THSD7B: variants seen among roughly 807,000 people sequenced by gnomAD.
THSD7B encodes the protein thrombospondin type 1 domain containing 7B, also known as thrombospondin type-1 domain-containing protein 7B.
THSD7B carries 138 observed loss-of-function variants against 213.6 expected under a neutral mutation model. The ratio of observed to expected loss-of-function variants is 0.65; its 90% CI spans 0.56 to 0.74. THSD7B has a LOEUF of 0.74. Among genes scored for constraint, THSD7B ranks in the 30% least tolerant of loss-of-function variants. The pLI is 0.00. For synonymous variants in THSD7B, 742 were observed against 687.0 expected, an observed-to-expected ratio of 1.08 and a Z score of -1.25; for missense variants, 1,931 against 1,991.5, an observed-to-expected ratio of 0.97 and a Z score of 0.58.
At chr2:137,038,131 AG>A (rs2104858895) in intron 2 of THSD7B, among the ~76,000 whole-genome samples, 1 of 152,288 alleles carries the variant, frequency 6.6e-6, no homozygotes, top group Admixed American at 6.5e-5. Context: ...CTATGGTGGT[AG>A]TTATCACTTG....
At chr2:137,136,581 C>T (rs948453165) in intron 5 of THSD7B, among the ~76,000 whole-genome samples, 1 of 152,072 alleles carries the variant, frequency 6.6e-6, no homozygotes, top group African/African-American at 2.4e-5. Flanking sequence ...CTATGAAAGG[C>T]GTAAAGTTAA....
At chr2:137,365,592 A>T (rs1685388672) in intron 12 of THSD7B, among the ~76,000 whole-genome samples, 1 of 152,260 alleles carries the variant, frequency 6.6e-6, no homozygotes, top group South Asian at 2.1e-4. Context: ...ATATGAACAG[A>T]CACTTTTCAA....
intron 1 of THSD7B, among the ~76,000 whole-genome samples, chr2:136,775,573 C>T (rs1681585627): frequency 6.6e-6 from 1 of 152,064 alleles, no homozygotes; most frequent in Non-Finnish European, 1.5e-5. Context: ...TTCAGTCACA[C>T]TAAGTGATCT....
chr2:137,114,236 G>A (rs1418505476), intron 4 of THSD7B, among the ~76,000 whole-genome samples: 3 of 152,128 alleles, frequency 2.0e-5, no homozygotes. Context: ...TTTGTTTATT[G>A]TTCAGAATTT....
At chr2:136,787,587 T>A (rs777274542) in intron 1 of THSD7B, among the ~76,000 whole-genome samples, 1 of 152,184 alleles carries the variant, frequency 6.6e-6, no homozygotes, top group Non-Finnish European at 1.5e-5. Context: ...GATGTTAAGA[T>A]TCAAAATCTC....
At chr2:136,971,282 A>G (rs1299230688) in intron 2 of THSD7B, among the ~76,000 whole-genome samples, 1 of 151,846 alleles carries the variant, frequency 6.6e-6, no homozygotes, top group Non-Finnish European at 1.5e-5. Context: ...TGTAGATGGT[A>G]TGTCATGGTA....
intron 3 of THSD7B, among the ~76,000 whole-genome samples, chr2:137,065,601 C>A (rs937060214): frequency 1.3e-5 from 2 of 152,016 alleles, no homozygotes; most frequent in Non-Finnish European, 2.9e-5. Context: ...TTTCAGTTTT[C>A]ATTTCACTTA....
At chr2:137,036,490 T>A (rs1422637248) in intron 2 of THSD7B, among the ~76,000 whole-genome samples, 1 of 152,212 alleles carries the variant, frequency 6.6e-6, no homozygotes, top group African/African-American at 2.4e-5. Flanking sequence ...AGACTGGTTA[T>A]TCATTTCAGT....
intron 2 of THSD7B, among the ~76,000 whole-genome samples, chr2:136,894,084 G>C (rs1683909882): frequency 6.6e-6 from 1 of 152,122 alleles, no homozygotes; most frequent in South Asian, 2.1e-4. Flanking sequence ...GAAATAAGTA[G>C]TTCTGTCATC....
chr2:137,490,398 A>G (rs866502079), intron 15 of THSD7B, among the ~76,000 whole-genome samples: 4 of 152,252 alleles, frequency 2.6e-5, no homozygotes, highest in African/African-American at 2.4e-5. Context: ...TAAGTTAAAT[A>G]TTTTCATAGG....
intron 2 of THSD7B, among the ~76,000 whole-genome samples, chr2:136,998,131 C>A (rs1442608614): frequency 6.6e-6 from 1 of 151,800 alleles, no homozygotes; most frequent in Non-Finnish European, 1.5e-5. Context: ...CCCATCCAAG[C>A]TTTTTGCTAC....
intron 2 of THSD7B, among the ~76,000 whole-genome samples, chr2:136,991,733 C>T (rs975628925): frequency 1.3e-5 from 2 of 152,162 alleles, no homozygotes; most frequent in Non-Finnish European, 2.9e-5. Context: ...TGCATTCTGT[C>T]CTCATAGCCA....
intron 14 of THSD7B, among the ~76,000 whole-genome samples, chr2:137,448,580 C>T (rs1309394718): frequency 1.3e-5 from 2 of 151,916 alleles, no homozygotes; most frequent in Non-Finnish European, 2.9e-5. Flanking sequence ...GAGGCCGAGG[C>T]GGGCAGATCA....
chr2:137,264,298 G>A (rs1022262671), intron 10 of THSD7B, among the ~76,000 whole-genome samples: 14 of 151,134 alleles, frequency 9.3e-5, no homozygotes, highest in African/African-American at 3.2e-4. Flanking sequence ...TCTTGCCCAG[G>A]CTGGGGTGCA....
At chr2:137,204,567 C>T (rs1680943093) in intron 7 of THSD7B, among the ~76,000 whole-genome samples, 1 of 152,102 alleles carries the variant, frequency 6.6e-6, no homozygotes, top group Non-Finnish European at 1.5e-5. Context: ...GACACCATTT[C>T]AGAAATAAGA....
At chr2:137,017,206 A>C (rs1346047839) in intron 2 of THSD7B, among the ~76,000 whole-genome samples, 1 of 151,964 alleles carries the variant, frequency 6.6e-6, no homozygotes, top group African/African-American at 2.4e-5. Flanking sequence ...TGTATCCGCT[A>C]TTCTTAACAA....
At position 137,657,114 on chromosome 2, in the gene THSD7B, C is replaced by T. The variant is rs754807630; in HGVS notation, c.4329C>T (p.Asn1443=). ...GGAAAGCAAGTCTTTGGAACAATAA[C>T]GAACGAACTGTATGGTGCCAGCGTT... ...YTWKASLWNN[N]ERTVWCQRSD... The change falls in exon 24 of 28, where the codon AAC becomes AAT. Residue 1443 remains asparagine, a synonymous_variant. Coordinates refer to ENST00000409968, the MANE Select transcript of THSD7B (RefSeq NM_001316349.2). 5.5e-5 allele frequency: 89 copies of T among 1,613,854 alleles called. No homozygotes were observed. The highest frequency in any genetic ancestry group is 2.4e-4 in the South Asian group (22 of 91,084).
chr2:137,676,686 G>T lies in THSD7B; in HGVS notation c.*81G>T. 1 of 1,300,174 alleles carries T rather than the reference G, an allele frequency of 7.7e-7. No individual in the cohort carries two copies. Among genetic ancestry groups the T allele is most frequent in the Non-Finnish European group, 1.0e-6 (1 of 961,866 alleles). 80.5% of individuals were successfully genotyped at this position (1,300,174 alleles called of 1,614,324 possible). Reference sequence around the variant, plus strand: ...TAGCTCTCAGACTTCTCAGTTTTTTGAGGAATCTCAAGATGTGATATATTG... The same window carrying T: ...TAGCTCTCAGACTTCTCAGTTTTTTTAGGAATCTCAAGATGTGATATATTG... On this transcript the variant is annotated 3_prime_UTR_variant, in exon 28 of 28. Coordinates refer to ENST00000409968, the MANE Select transcript of THSD7B (RefSeq NM_001316349.2).
intron 10 of THSD7B, among the ~76,000 whole-genome samples, chr2:137,267,579 G>A (rs1682623713): frequency 6.6e-6 from 1 of 150,530 alleles, no homozygotes; most frequent in Non-Finnish European, 1.5e-5. Context: ...AAATATCATG[G>A]GCCTAATTGT....
Sources: gnomAD v4.1 joint callset for allele counts (sites outside exome capture counted in the v4.1 genomes callset) on GRCh38, gnomAD v4.1.1 for gene constraint, MANE v1.5 for transcripts, NCBI Gene and HGNC (gene_info 2026-07-23, HGNC 2026-07-21) for gene names.